Variants in ACAD11 observed in about 807,000 individuals in gnomAD.
ACAD11 encodes the protein acyl-Coenzyme A dehydrogenase family, member 11.
In ACAD11, 83 loss-of-function variants were observed where a neutral mutation model predicts 102.2. The ratio of observed to expected loss-of-function variants is 0.81; its 90% CI spans 0.68 to 0.97. The LOEUF (loss-of-function observed/expected upper bound fraction) is 0.97. Among genes scored for constraint, ACAD11 ranks in the 50% least tolerant of loss-of-function variants. ACAD11 has a pLI of 0.00. For missense variants in ACAD11, 901 were observed against 951.7 expected (o/e 0.95, Z 0.70); for synonymous variants, 324 against 319.8 (o/e 1.01, Z -0.14).
intron 19 of ACAD11, 53 bp from the exon 20 acceptor site, chr3:132,559,138 A>G: frequency 4.2e-6 from 5 of 1,179,250 alleles, no homozygotes; most frequent in Non-Finnish European, 5.1e-6. Flanking sequence ...GAGGAACATG[A>G]TACTTTGACA....
rs1937036109 is a variant in ACAD11, at chr3:132,560,972, C to G, written c.2118+129G>C. ...GTGACAGGCATTTATAATTTATAACCCAAAATCACATGGGGGCTTCCAATA... is the reference window on the plus strand; with the variant it reads ...GTGACAGGCATTTATAATTTATAACGCAAAATCACATGGGGGCTTCCAATA... On this transcript the variant is annotated intron_variant, in intron 18 of 19. Coordinates refer to ENST00000264990, the MANE Select transcript of ACAD11 (RefSeq NM_032169.5). The G allele has an allele frequency of 5.7e-6, 4 of 699,386 alleles. No individual in the cohort carries two copies. In the African/African-American group the frequency reaches 7.2e-5, roughly 13 times the overall value. The allele number at this position is 699,386 out of a possible 1,614,324, so 43.3% of individuals were successfully genotyped here. A position where few individuals can be genotyped will look rare whatever the true frequency, so the allele number is the denominator to read the frequency against.
chr3:132,574,402 G>T (rs765419280), intron 17 of ACAD11, among the ~76,000 whole-genome samples: 1 of 152,150 alleles, frequency 6.6e-6, no homozygotes, highest in Non-Finnish European at 1.5e-5. Flanking sequence ...ACTTGCCTTC[G>T]CTGTATACTA....
At chr3:132,568,731 CA>C (rs1472095013) in intron 17 of ACAD11, among the ~76,000 whole-genome samples, 1 of 105,300 alleles carries the variant, frequency 9.5e-6, no homozygotes, top group East Asian at 2.8e-4. Flanking sequence ...GAGAAAGGCA[CA>C]AAAACAATTC....
intron 4 of ACAD11, 66 bp downstream of exon 4, chr3:132,641,906 G>T: frequency 2.9e-6 from 4 of 1,385,208 alleles, no homozygotes; most frequent in South Asian, 1.7e-5. Flanking sequence ...AGCTTTTTTT[G>T]TTGACTAATA....
At chr3:132,561,795 GA>G (rs1406552006) in intron 17 of ACAD11, among the ~76,000 whole-genome samples, 15 of 152,300 alleles carry the variant, frequency 9.8e-5, no homozygotes, top group African/African-American at 3.4e-4. Context: ...ATCTCCCACA[GA>G]ACTCCCTGGT....
chr3:132,561,161 C>A lies in ACAD11; in HGVS notation c.2058G>T (p.Leu686Phe). Residue 686 changes from leucine (L) to phenylalanine (F), a missense_variant, in exon 18 of 20, where the codon TTG becomes TTT. Transcript: ENST00000264990. ...TGCTGTGAGCAGCTTTCAGAGTCAA[C>A]AAGCGGATCTTCTCAATGGCAATGC... ...ESRIAIEKIRLLTLKAAHSMD... is the reference protein window; with the variant it reads ...ESRIAIEKIRFLTLKAAHSMD... 1.2e-6 allele frequency: 2 copies of A among 1,613,614 alleles called. No homozygotes were observed. The highest frequency in any genetic ancestry group is 1.7e-6 in the Non-Finnish European group (2 of 1,179,726).
intron 11 of ACAD11, among the ~76,000 whole-genome samples, chr3:132,607,974 C>CT (rs1422289596): frequency 6.6e-6 from 1 of 152,164 alleles, no homozygotes; most frequent in Non-Finnish European, 1.5e-5. Flanking sequence ...ATTCAACATT[C>CT]TTAAAGAAAA....
At chr3:132,626,962 C>A in intron 8 of ACAD11, 145 bp from the exon 9 acceptor site, 2 of 743,616 alleles carry the variant, frequency 2.7e-6, no homozygotes, top group South Asian at 4.5e-5. Flanking sequence ...TTAAAAAAGT[C>A]TTCCATATTA....
Position 132,605,152 on chromosome 3 carries a change from GT to G in ACAD11, c.1467del (p.Lys489AsnfsTer18), listed in dbSNP as rs762773300. ...LHLYGSEEQK[K>X]QWLEPLLQGN... ...CCTTGAAGAAGAGGCTCAAGCCACT[GT>G]TTCTTCTGTTCCTCACTTCCATACA... On this transcript the variant is annotated frameshift_variant, in exon 12 of 20. Transcript: ENST00000264990. LOFTEE classifies it high-confidence loss of function. 1.9e-6 allele frequency: 3 copies of G among 1,613,628 alleles called. No homozygotes were observed. The highest frequency in any genetic ancestry group is 2.5e-6 in the Non-Finnish European group (3 of 1,179,700).
At chr3:132,626,379 G>T (rs1161343716) in intron 9 of ACAD11, among the ~76,000 whole-genome samples, 1 of 151,260 alleles carries the variant, frequency 6.6e-6, no homozygotes, top group African/African-American at 2.4e-5. Flanking sequence ...TTCTCAAAGG[G>T]GTCCATATTT....
Position 132,639,570 on chromosome 3 carries a change from G to C in ACAD11, c.624C>G (p.Asn208Lys). Residue 208 changes from asparagine (N) to lysine (K), a missense_variant, in exon 5 of 20, where the codon AAC (asparagine) becomes AAG (lysine). Transcript: ENST00000264990. ...TCTCTTCATTGTCATTATCGGGCAA[G>C]TTCTTCATTAGCCACTCCGATAGCT... ...MQQLSEWLMK[N>K]LPDNDNEENL... 6.2e-7 allele frequency: 1 copy of C among 1,613,978 alleles called. No homozygotes were observed. Among genetic ancestry groups the C allele is most frequent in the African/African-American group, 1.3e-5 (1 of 75,006 alleles).
intron 17 of ACAD11, among the ~76,000 whole-genome samples, chr3:132,562,338 T>C (rs1407619409): frequency 2.0e-5 from 3 of 152,072 alleles, no homozygotes; most frequent in Non-Finnish European, 2.9e-5. Context: ...CTCCTGACCT[T>C]GTGATCTGCC....
chr3:132,611,093 C>T (rs1322783280), intron 11 of ACAD11, among the ~76,000 whole-genome samples: 1 of 152,042 alleles, frequency 6.6e-6, no homozygotes, highest in Non-Finnish European at 1.5e-5. Flanking sequence ...AAACGTAATC[C>T]AGCATATAAA....
At chr3:132,634,056 T>C (rs1385358209) in intron 5 of ACAD11, among the ~76,000 whole-genome samples, 1 of 151,972 alleles carries the variant, frequency 6.6e-6, no homozygotes, top group Non-Finnish European at 1.5e-5. Flanking sequence ...AATTGACAAA[T>C]AGGATCTAAT....
chr3:132,607,799 G>A (rs1938914730), intron 11 of ACAD11, among the ~76,000 whole-genome samples: 1 of 152,002 alleles, frequency 6.6e-6, no homozygotes, highest in Non-Finnish European at 1.5e-5. Flanking sequence ...TCCTCAAGAA[G>A]AGCAACCCCA....
intron 11 of ACAD11, among the ~76,000 whole-genome samples, chr3:132,611,548 G>A (rs1427700081): frequency 1.3e-5 from 2 of 152,210 alleles, no homozygotes; most frequent in Admixed American, 6.5e-5. Context: ...AAATCAATGT[G>A]CAAAAATCAC....
Position 132,578,805 on chromosome 3 carries a change from CA to C in ACAD11, c.1764del (p.Phe588LeufsTer26). The C allele has an allele frequency of 1.2e-6, 2 of 1,612,376 alleles. No individual in the cohort carries two copies. On this transcript the variant is annotated frameshift_variant, in exon 15 of 20. Transcript: ENST00000264990. LOFTEE classifies it high-confidence loss of function. ...TTTATTGGATACCTACCTGTGTAGC[CA>C]AAAACTGACAAAGGCCTTATTATTT... ...GVKIIRPLSV[F>X]GYTDNFHGGH...
At chr3:132,637,367 T>C (rs1031108766) in intron 5 of ACAD11, among the ~76,000 whole-genome samples, 1 of 152,074 alleles carries the variant, frequency 6.6e-6, no homozygotes, top group African/African-American at 2.4e-5. Context: ...CCATGTGGCT[T>C]ATGTAGGATA....
intron 17 of ACAD11, among the ~76,000 whole-genome samples, chr3:132,573,283 T>C (rs1937436096): frequency 6.6e-6 from 1 of 152,186 alleles, no homozygotes; most frequent in Admixed American, 6.5e-5. Context: ...ACTAACCATA[T>C]GTGGCTAATG....
Sources: allele counts gnomAD v4.1 joint callset (sites outside exome capture counted in the v4.1 genomes callset), GRCh38; gene constraint gnomAD v4.1.1; transcripts MANE v1.5; gene names NCBI Gene and HGNC (gene_info 2026-07-23, HGNC 2026-07-21).